LIN9: variants seen among roughly 807,000 people sequenced by gnomAD.
LIN9 encodes the protein lin-9 DREAM MuvB core complex component.
A neutral mutation model predicts 78.0 loss-of-function variants in LIN9; 18 were observed. The ratio of observed to expected loss-of-function variants is 0.23; its 90% CI spans 0.16 to 0.34. The LOEUF is 0.34. LIN9 is among the 10% of genes least tolerant of loss of function. The pLI is 1.00. For missense variants in LIN9, 451 were observed against 644.1 expected (o/e 0.70, Z 3.25); for synonymous variants, 192 against 215.2 (o/e 0.89, Z 0.94).
At position 226,301,280 on chromosome 1, in the gene LIN9, A is replaced by G; in HGVS notation, c.32-75T>C. On this transcript the variant is annotated intron_variant, in intron 1 of 14. Transcript: ENST00000681046. ...GAGAAAAAGACCTTGGTTTGGGGGT[A>G]AAAGTGATCCATTTAGTTTTAGTAA... 7 of 1,071,408 alleles carry G rather than the reference A, an allele frequency of 6.5e-6. No individual in the cohort carries two copies. In the South Asian group the frequency reaches 6.6e-5, roughly 10 times the overall value. The allele number at this position is 1,071,408 out of a possible 1,614,324, so 66.4% of individuals were successfully genotyped here.
chr1:226,290,333 CTT>C (rs60478152), intron 4 of LIN9, among the ~76,000 whole-genome samples: 61 of 136,724 alleles, frequency 4.5e-4, no homozygotes, highest in African/African-American at 1.1e-3. Flanking sequence ...GAGGCTATTT[CTT>C]TTTTTTTTTT....
chr1:226,250,948 T>A, intron 10 of LIN9, 29 bp from the exon 11 acceptor site: 1 of 1,113,572 alleles, frequency 9.0e-7, no homozygotes. Context: ...TATTTTAGAA[T>A]AAACAGAGGC....
chr1:226,275,141 T>C (rs914083167), intron 7 of LIN9, among the ~76,000 whole-genome samples: 1 of 152,246 alleles, frequency 6.6e-6, no homozygotes, highest in Admixed American at 6.5e-5. Flanking sequence ...TTATATTTTG[T>C]AGGGGCTGGT....
chr1:226,275,693 G>A (rs2126574), intron 7 of LIN9, among the ~76,000 whole-genome samples: 94,484 of 128,786 alleles, frequency 0.73, 33,503 homozygotes, highest in East Asian at 0.77. Context: ...CTCCGTCTCA[G>A]AAAAAAAAAA....
At chr1:226,296,543 A>T (rs1662158925) in intron 3 of LIN9, among the ~76,000 whole-genome samples, 2 of 152,222 alleles carry the variant, frequency 1.3e-5, no homozygotes, top group African/African-American at 2.4e-5. Flanking sequence ...AATAGTAAAG[A>T]TTTTACAGTT....
upstream of LIN9, chr1:226,309,246 C>G (rs1166755078): frequency 6.9e-6 from 9 of 1,310,558 alleles, no homozygotes; most frequent in African/African-American, 1.5e-5. Context: ...CTGCCCGCGG[C>G]GCCGCGCTGC....
At chr1:226,253,640 G>C (rs966251392) in intron 10 of LIN9, among the ~76,000 whole-genome samples, 2 of 151,800 alleles carry the variant, frequency 1.3e-5, no homozygotes, top group Non-Finnish European at 2.9e-5. Flanking sequence ...AAAGGGCCGG[G>C]TACGGTGGCT....
At chr1:226,298,699 A>G (rs1662317607) in intron 2 of LIN9, among the ~76,000 whole-genome samples, 1 of 152,118 alleles carries the variant, frequency 6.6e-6, no homozygotes, top group African/African-American at 2.4e-5. Context: ...CACCTCTACA[A>G]AAAATACAAA....
intron 1 of LIN9, among the ~76,000 whole-genome samples, chr1:226,307,374 T>C (rs540884150): frequency 6.6e-6 from 1 of 152,266 alleles, no homozygotes; most frequent in Non-Finnish European, 1.5e-5. Flanking sequence ...GGCTCACGCC[T>C]GTAATCCCAG....
intron 12 of LIN9, among the ~76,000 whole-genome samples, chr1:226,234,528 C>A (rs1045753347): frequency 6.6e-6 from 1 of 152,146 alleles, no homozygotes; most frequent in African/African-American, 2.4e-5. Flanking sequence ...TTTGACACGT[C>A]CCCGTAATTT....
At chr1:226,284,753 T>C (rs1222511514) in intron 6 of LIN9, among the ~76,000 whole-genome samples, 1 of 152,112 alleles carries the variant, frequency 6.6e-6, no homozygotes, top group African/African-American at 2.4e-5. Context: ...CCTGTTAATA[T>C]TTTTATTGGG....
chr1:226,277,216 GAA>G (rs71168975), intron 7 of LIN9, among the ~76,000 whole-genome samples: 90 of 91,494 alleles, frequency 9.8e-4, no homozygotes, highest in African/African-American at 3.6e-3. Flanking sequence ...GTCTCAAAAA[GAA>G]AAAAAAAAAA....
At chr1:226,269,684 A>G (rs1198722403) in intron 7 of LIN9, among the ~76,000 whole-genome samples, 1 of 152,188 alleles carries the variant, frequency 6.6e-6, no homozygotes, top group Non-Finnish European at 1.5e-5. Context: ...GAGATCATGG[A>G]AACTAGAGAG....
intron 1 of LIN9, among the ~76,000 whole-genome samples, chr1:226,307,602 C>T (rs1224025116): frequency 2.0e-5 from 3 of 152,148 alleles, no homozygotes; most frequent in Non-Finnish European, 4.4e-5. Context: ...TACCATTGCA[C>T]CCCAGCCTGG....
At chr1:226,272,939 A>G (rs1576321803) in intron 7 of LIN9, among the ~76,000 whole-genome samples, 1 of 151,916 alleles carries the variant, frequency 6.6e-6, no homozygotes, top group South Asian at 2.1e-4. Context: ...CTTTTTCTCA[A>G]TCCTTTGATT....
At chr1:226,250,972 G>T in intron 10 of LIN9, 53 bp from the exon 11 acceptor site, 1 of 858,450 alleles carries the variant, frequency 1.2e-6, no homozygotes, top group Non-Finnish European at 1.9e-6. Flanking sequence ...TAGGTATATT[G>T]GTTAGACATT....
intron 7 of LIN9, among the ~76,000 whole-genome samples, chr1:226,277,136 G>T (rs1225617257): frequency 6.6e-6 from 1 of 151,152 alleles, no homozygotes; most frequent in Non-Finnish European, 1.5e-5. Flanking sequence ...TTGAGCCCGG[G>T]AGGTCGAGGC....
chr1:226,294,941 A>G (rs1172157274), intron 4 of LIN9, among the ~76,000 whole-genome samples: 1 of 151,802 alleles, frequency 6.6e-6, no homozygotes, highest in African/African-American at 2.4e-5. Flanking sequence ...CTGAGATTAC[A>G]GGCGTGTGCC....
chr1:226,281,290 G>A (rs1326331412), intron 6 of LIN9, among the ~76,000 whole-genome samples: 1 of 151,972 alleles, frequency 6.6e-6, no homozygotes, highest in Non-Finnish European at 1.5e-5. Context: ...GGGAGGGGAG[G>A]ATGAAGATAA....
Sources: allele counts gnomAD v4.1 joint callset (sites outside exome capture counted in the v4.1 genomes callset), GRCh38; gene constraint gnomAD v4.1.1; transcripts MANE v1.5; gene names NCBI Gene and HGNC (gene_info 2026-07-23, HGNC 2026-07-21).